Variants in GPM6A observed in about 807,000 individuals in gnomAD.
GPM6A encodes neuronal membrane glycoprotein M6-a.
In GPM6A, 7 loss-of-function variants were observed where a neutral mutation model predicts 32.1. That is an observed-to-expected ratio of 0.22 (90% CI 0.12 to 0.41). The LOEUF is 0.41. GPM6A is among the 10% of genes least tolerant of loss of function. The pLI is 1.00. For missense variants in GPM6A, 235 were observed against 347.2 expected (o/e 0.68, Z 2.57); for synonymous variants, 130 against 123.4 (o/e 1.05, Z -0.35).
At chr4:175,825,186 GTGAA>G (rs1735395409) in intron 1 of GPM6A, among the ~76,000 whole-genome samples, 1 of 152,144 alleles carries the variant, frequency 6.6e-6, no homozygotes, top group Non-Finnish European at 1.5e-5. Context: ...AAAAAACAGA[GTGAA>G]TGTTAAAGTC....
chr4:175,840,651 GACA>G (rs1156726365), intron 1 of GPM6A, among the ~76,000 whole-genome samples: 2 of 152,178 alleles, frequency 1.3e-5, no homozygotes, highest in African/African-American at 2.4e-5. Context: ...TCCAGCTGGA[GACA>G]ACAAGAGCGA....
intron 1 of GPM6A, among the ~76,000 whole-genome samples, chr4:175,761,875 A>G (rs901662940): frequency 6.6e-6 from 1 of 151,902 alleles, no homozygotes; most frequent in Non-Finnish European, 1.5e-5. Flanking sequence ...GCTCACTCCA[A>G]CCTTTGCCTC....
chr4:175,672,286 T>G (rs979445611), intron 3 of GPM6A, among the ~76,000 whole-genome samples: 1 of 152,204 alleles, frequency 6.6e-6, no homozygotes, highest in Non-Finnish European at 1.5e-5. Context: ...AATCACAGAC[T>G]CGTTGAGCTG....
At chr4:175,969,084 A>C (rs981445317) in intron 1 of GPM6A, among the ~76,000 whole-genome samples, 1 of 152,240 alleles carries the variant, frequency 6.6e-6, no homozygotes, top group African/African-American at 2.4e-5. Context: ...CAACAATAAA[A>C]AGTAATGAGC....
At chr4:175,936,717 G>A (rs536820670) in intron 1 of GPM6A, among the ~76,000 whole-genome samples, 2 of 152,068 alleles carry the variant, frequency 1.3e-5, no homozygotes, top group South Asian at 2.1e-4. Context: ...CCATAAAAAC[G>A]TAAAGCATCT....
chr4:175,719,071 T>A lies in GPM6A; in HGVS notation c.38-17304A>T, dbSNP rs144751152. ...ATCTTACTAAAAACATAATGATAGATTTTTAATGCAATCTGGCTTTTTAGA... is the reference window on the plus strand; with the variant it reads ...ATCTTACTAAAAACATAATGATAGAATTTTAATGCAATCTGGCTTTTTAGA... On this transcript the variant is annotated intron_variant, in intron 1 of 6. Coordinates refer to ENST00000393658, the MANE Select transcript of GPM6A (RefSeq NM_201591.3). Among the ~76,000 whole-genome samples, 675 of 152,272 alleles carry A rather than the reference T, an allele frequency of 4.4e-3. 8 individuals carry two copies. The highest frequency in any genetic ancestry group is 0.015 in the African/African-American group (628 of 41,550).
chr4:175,987,685 T>TA (rs1468823359), intron 1 of GPM6A, among the ~76,000 whole-genome samples: 1 of 152,126 alleles, frequency 6.6e-6, no homozygotes, highest in Non-Finnish European at 1.5e-5. Context: ...ATAACATAAC[T>TA]AAACTTAGGG....
At chr4:175,763,708 G>A (rs1397829736) in intron 1 of GPM6A, among the ~76,000 whole-genome samples, 1 of 151,914 alleles carries the variant, frequency 6.6e-6, no homozygotes, top group East Asian at 1.9e-4. Context: ...GATTTCTTAT[G>A]GAATTAGATC....
intron 1 of GPM6A, chr4:175,786,994 A>C: frequency 7.5e-5 from 16 of 212,954 alleles, no homozygotes; most frequent in East Asian, 2.1e-4. Flanking sequence ...GCTGGACGGC[A>C]TTCCCTCCCC....
rs767804970 is a variant in GPM6A at position 175,826,285 on chromosome 4, TTCTC to T, written c.-22-14040_-22-14037del. ...ACCTAATGCAGAAATTAATCTCTCT[TTCTC>T]TCTCTCTCTCTCTCTCCCCCTCCTC... On this transcript the variant is annotated intron_variant, in intron 1 of 7. Transcript: ENST00000280187. 2.3e-3 allele frequency among the ~76,000 whole-genome samples: 348 copies of T among 148,130 alleles called. 2 individuals carry two copies. Among genetic ancestry groups the T allele is most frequent in the African/African-American group, 7.8e-3 (314 of 40,442 alleles).
intron 1 of GPM6A, among the ~76,000 whole-genome samples, chr4:175,821,725 T>C (rs1735284009): frequency 1.3e-5 from 2 of 152,066 alleles, no homozygotes; most frequent in African/African-American, 4.8e-5. Context: ...TATTTTATAC[T>C]AAATCTCTCA....
At chr4:175,765,465 A>T (rs1316665432) in intron 1 of GPM6A, among the ~76,000 whole-genome samples, 2 of 152,210 alleles carry the variant, frequency 1.3e-5, no homozygotes, top group Non-Finnish European at 1.5e-5. Context: ...TATGACCTGT[A>T]AAGATCAAAT....
At chr4:175,910,127 C>T (rs1014836882) in intron 1 of GPM6A, among the ~76,000 whole-genome samples, 2 of 152,088 alleles carry the variant, frequency 1.3e-5, no homozygotes, top group East Asian at 3.9e-4. Flanking sequence ...TACAGATGTG[C>T]TAATCACAGG....
chr4:175,815,425 C>T (rs571328760), upstream of GPM6A, among the ~76,000 whole-genome samples: 28 of 152,228 alleles, frequency 1.8e-4, no homozygotes, highest in Middle Eastern at 3.4e-3. Flanking sequence ...AAAAGAAAAT[C>T]GTTTCACATT....
chr4:175,703,076 G>A (rs1389624129), intron 1 of GPM6A, among the ~76,000 whole-genome samples: 2 of 152,120 alleles, frequency 1.3e-5, no homozygotes, highest in Non-Finnish European at 2.9e-5. Flanking sequence ...GTTCTCATGA[G>A]CATTAAATGA....
At chr4:175,637,249 TATAATATAAAATATATA>T (rs1163795326) in intron 6 of GPM6A, among the ~76,000 whole-genome samples, 1 of 72,998 alleles carries the variant, frequency 1.4e-5, no homozygotes, top group Non-Finnish European at 2.6e-5. Flanking sequence ...ATATATTATA[TATAATATAAAATATATA>T]TTATATATTA....
At chr4:175,647,980 C>A (rs149373299) in intron 4 of GPM6A, among the ~76,000 whole-genome samples, 2 of 152,018 alleles carry the variant, frequency 1.3e-5, no homozygotes, top group East Asian at 3.9e-4. Flanking sequence ...TCTTTCAAAT[C>A]CATAAAAGAA....
chr4:175,935,766 A>G (rs1213418753), intron 1 of GPM6A, among the ~76,000 whole-genome samples: 3 of 152,054 alleles, frequency 2.0e-5, no homozygotes, highest in African/African-American at 7.2e-5. Context: ...AAAATTTTAT[A>G]ATTTTATAAG....
rs986966926 is a variant in GPM6A at position 175,999,976 on chromosome 4, C to T, written c.-23+2333G>A. Among the ~76,000 whole-genome samples the T allele has an allele frequency of 1.3e-5, 2 of 152,156 alleles. 1 individual carries two copies. On this transcript the variant is annotated intron_variant, in intron 1 of 7. Coordinates refer to the GPM6A transcript ENST00000280187. ...TTAAGTGGCCAAATGTTTTCTATTTCCCCTATGCACTTCCTTCCTGCTTTC... is the reference window on the plus strand; with the variant it reads ...TTAAGTGGCCAAATGTTTTCTATTTTCCCTATGCACTTCCTTCCTGCTTTC...
Sources: allele counts gnomAD v4.1 joint callset (sites outside exome capture counted in the v4.1 genomes callset), GRCh38; gene constraint gnomAD v4.1.1; transcripts MANE v1.5; gene names NCBI Gene and HGNC (gene_info 2026-07-23, HGNC 2026-07-21).